MKI67: variants seen among roughly 807,000 people sequenced by gnomAD.
MKI67 encodes the protein marker of proliferation Ki-67.
In MKI67, 152 loss-of-function variants were observed where a neutral mutation model predicts 233.5. That is an observed-to-expected ratio of 0.65 (90% CI 0.57 to 0.74). The LOEUF is 0.74. MKI67 is among the 30% of genes least tolerant of loss of function. The pLI is 0.00. For missense variants in MKI67, 3,940 were observed against 3,885.2 expected, an observed-to-expected ratio of 1.01 and a Z score of -0.37; for synonymous variants, 1,465 against 1,418.5, an observed-to-expected ratio of 1.03 and a Z score of -0.74.
intron 11 of MKI67, 99 bp downstream of exon 11, chr10:128,111,546 C>T: frequency 1.5e-6 from 1 of 646,310 alleles, no homozygotes; most frequent in African/African-American, 1.9e-5. Context: ...ATTTTATAAT[C>T]TCTTTCACAG....
chr10:128,103,612 G>T lies in MKI67; in HGVS notation c.8228C>A (p.Thr2743Lys). ...ATCCGTGGTTTCCCCTGATGTTTGT[G>T]TGAACTTGACTGCTGAAGGCTCTTC... Reference protein sequence around the residue: ...VKEEPSAVKFTQTSGETTDAD... With the variant: ...VKEEPSAVKFKQTSGETTDAD... Residue 2743 changes from threonine (T) to lysine (K), a missense_variant, in exon 13 of 15, where the codon ACA (threonine) becomes AAA (lysine). Physicochemically the swap from Thr to Lys is moderately conservative, Grantham distance 78. Transcript: ENST00000368654. 6.2e-7 allele frequency: 1 copy of T among 1,614,192 alleles called. No individual in the cohort carries two copies. Among genetic ancestry groups the T allele is most frequent in the Middle Eastern group, 1.6e-4 (1 of 6,062 alleles).
intron 14 of MKI67, 42 bp downstream of exon 14, chr10:128,101,216 C>T (rs771080982): frequency 1.3e-6 from 2 of 1,576,068 alleles, no homozygotes; most frequent in Non-Finnish European, 1.7e-6. Flanking sequence ...TACATCAAAA[C>T]ATTCTGTGTC....
Position 128,113,519 on chromosome 10 carries a change from G to C in MKI67, c.1564C>G (p.Pro522Ala), listed in dbSNP as rs761464080. The change falls in exon 8 of 15, where the codon CCT becomes GCT. Residue 522 changes from proline to alanine, a missense_variant. By Grantham distance (27) the Pro-to-Ala change is conservative. Coordinates refer to ENST00000368654, the MANE Select transcript of MKI67 (RefSeq NM_002417.5). ...CCCCTTTTGAGAGGCGTATTAGGAG[G>C]CAAGTTTTCATCAAATAGTTCAGGT... Reference protein sequence around the residue: ...LRPELFDENLPPNTPLKRGEA... With the variant: ...LRPELFDENLAPNTPLKRGEA... 2 of 1,614,024 alleles carry C rather than the reference G, an allele frequency of 1.2e-6. No homozygotes were observed. The highest frequency in any genetic ancestry group is 1.3e-5 in the African/African-American group (1 of 74,906).
At chr10:128,117,146 C>G (rs1398962823) in intron 5 of MKI67, among the ~76,000 whole-genome samples, 1 of 152,260 alleles carries the variant, frequency 6.6e-6, no homozygotes, top group South Asian at 2.1e-4. Flanking sequence ...AGATATTTCC[C>G]AACATCCTAT....
intron 5 of MKI67, among the ~76,000 whole-genome samples, chr10:128,117,701 T>C (rs1285270901): frequency 6.6e-6 from 1 of 152,242 alleles, no homozygotes; most frequent in Non-Finnish European, 1.5e-5. Context: ...GGATGGTTTT[T>C]TATTTCCAAT....
At chr10:128,113,674 A>G in intron 7 of MKI67, 72 bp from the exon 8 acceptor site, 1 of 1,400,986 alleles carries the variant, frequency 7.1e-7, no homozygotes, top group Non-Finnish European at 1.0e-6. Flanking sequence ...ATTTCACGTT[A>G]GCATTAAAGA....
rs200987174 is a variant in MKI67 at position 128,110,489 on chromosome 10, A to G, written c.2305T>C (p.Leu769=). The G allele has an allele frequency of 1.3e-6, 2 of 1,575,362 alleles. No individual in the cohort carries two copies. The highest frequency in any genetic ancestry group is 1.7e-6 in the Non-Finnish European group (2 of 1,150,092). ...FKTPVKEQPQ[L]TSTCHIAISN... ...ATAGCGATGTGACATGTGCTTGTCAACTGCGGTTGCTCCTTCACTGGGGTC... is the reference window on the plus strand; with the variant it reads ...ATAGCGATGTGACATGTGCTTGTCAGCTGCGGTTGCTCCTTCACTGGGGTC... Residue 769 remains leucine, a synonymous_variant, in exon 12 of 15, where the codon TTG becomes CTG. Transcript: ENST00000368654.
Position 128,105,432 on chromosome 10 carries a change from G to A in MKI67, c.6408C>T (p.Ala2136=). ...GKRDIVEELS[A]LKQLTQTTHT... Reference sequence around the variant, plus strand: ...GTGTGGTCTGTGTGAGCTGCTTCAGGGCTGAGAGCTCTTCCACTATATCCC... The same window carrying A: ...GTGTGGTCTGTGTGAGCTGCTTCAGAGCTGAGAGCTCTTCCACTATATCCC... Residue 2136 remains alanine, a synonymous_variant, in exon 13 of 15, where the codon GCC becomes GCT. Coordinates refer to ENST00000368654, the MANE Select transcript of MKI67 (RefSeq NM_002417.5). 6.2e-7 allele frequency: 1 copy of A among 1,613,650 alleles called. No homozygotes were observed. The highest frequency in any genetic ancestry group is 1.1e-5 in the South Asian group (1 of 91,052).
rs779310721 is a variant in MKI67 at position 128,107,913 on chromosome 10, G to A, written c.3927C>T (p.Ile1309=). 6.2e-7 allele frequency: 1 copy of A among 1,612,044 alleles called. No individual in the cohort carries two copies. The highest frequency in any genetic ancestry group is 1.7e-5 in the Admixed American group (1 of 59,788). ...PKPSVGEEKD[I]IIFVGTPVQK... ...GCACTGGAGTTCCCACAAATATGAT[G>A]ATGTCTTTCTCTTCACCTACTGATG... The change falls in exon 13 of 15, where the codon ATC becomes ATT. Residue 1309 remains isoleucine (I), a synonymous_variant. Coordinates refer to ENST00000368654, the MANE Select transcript of MKI67 (RefSeq NM_002417.5).
intron 7 of MKI67, among the ~76,000 whole-genome samples, chr10:128,113,987 C>A (rs2136144059): frequency 6.6e-6 from 1 of 152,264 alleles, no homozygotes; most frequent in South Asian, 2.1e-4. Flanking sequence ...AATGCATGAG[C>A]TGTAAAAACT....
Position 128,116,016 on chromosome 10 carries a change from T to A in MKI67, c.401-9A>T. The A allele has an allele frequency of 6.4e-7, 1 of 1,555,606 alleles. No homozygotes were observed. On this transcript the variant is annotated splice_polypyrimidine_tract_variant and intron_variant, in intron 6 of 14. Transcript: ENST00000368654. Reference sequence around the variant, plus strand: ...ATCTTGAGCTTTCTCATCTTGGCAATGAATTATGAAATAAGAAACAGAAGT... The same window carrying A: ...ATCTTGAGCTTTCTCATCTTGGCAAAGAATTATGAAATAAGAAACAGAAGT...
rs1853037802 is a variant in MKI67, at chr10:128,125,587, G to A, written c.81C>T (p.Cys27=). The change falls in exon 2 of 15, where the codon TGC becomes TGT. Residue 27 remains cysteine, a synonymous_variant. Coordinates refer to ENST00000368654, the MANE Select transcript of MKI67 (RefSeq NM_002417.5). This position sits in a 1 kb window ranked among gnomAD's most constrained non-coding sequence, Gnocchi z 5.3. Reference sequence around the variant, plus strand: ...CCCGCGGGGCTCACCTTCCAAACAAGCAGGTGCTGAGGCTCAGGGGAAAGT... The same window carrying A: ...CCCGCGGGGCTCACCTTCCAAACAAACAGGTGCTGAGGCTCAGGGGAAAGT... ...GPHFPLSLST[C]LFGRGIECDI... 3 of 1,612,918 alleles carry A rather than the reference G, an allele frequency of 1.9e-6. No homozygotes were observed. Among genetic ancestry groups the A allele is most frequent in the Non-Finnish European group, 2.5e-6 (3 of 1,179,634 alleles).
At chr10:128,099,618 C>T (rs1852290161) in intron 14 of MKI67, among the ~76,000 whole-genome samples, 1 of 152,220 alleles carries the variant, frequency 6.6e-6, no homozygotes, top group Non-Finnish European at 1.5e-5. Context: ...TCTTTTGGGT[C>T]TCCTAAACCA....
Position 128,125,516 on chromosome 10 carries a change from G to A in MKI67, c.92+60C>T, listed in dbSNP as rs977056621. The A allele has an allele frequency of 7.3e-7, 1 of 1,377,762 alleles. No individual in the cohort carries two copies. The allele number at this position is 1,377,762 out of a possible 1,614,324, so 85.3% of individuals were successfully genotyped here. On this transcript the variant is annotated intron_variant, in intron 2 of 14. Coordinates refer to ENST00000368654, the MANE Select transcript of MKI67 (RefSeq NM_002417.5). The surrounding 1 kb of genome is among the most constrained non-coding windows in gnomAD (Gnocchi z 5.3). ...AGAGCGCGTTTCTGGACTTTATTCTGTGACTAAGGTATTTTCCTCTTTCTC... is the reference window on the plus strand; with the variant it reads ...AGAGCGCGTTTCTGGACTTTATTCTATGACTAAGGTATTTTCCTCTTTCTC...
chr10:128,106,021 C>A lies in MKI67; in HGVS notation c.5819G>T (p.Arg1940Leu). 4 of 1,614,014 alleles carry A rather than the reference C, an allele frequency of 2.5e-6. No homozygotes were observed. The highest frequency in any genetic ancestry group is 1.6e-4 in the Middle Eastern group (1 of 6,062). The change falls in exon 13 of 15, where the codon CGG becomes CTG. Residue 1940 changes from arginine (R) to leucine (L), a missense_variant. Physicochemically the swap from Arg to Leu is moderately radical, Grantham distance 102. Transcript: ENST00000368654. ...LLGNLPGSKR[R>L]PQTPKEKAKA... ...GGCCTTTTCTTTAGGAGTTTGTGGCCGTCTCTTGCTGCCAGGTAAATTTCC... is the reference window on the plus strand; with the variant it reads ...GGCCTTTTCTTTAGGAGTTTGTGGCAGTCTCTTGCTGCCAGGTAAATTTCC...
chr10:128,115,166 C>T lies in MKI67; in HGVS notation c.1242G>A (p.Lys414=), dbSNP rs889718923. ...KVEDAADSAT[K]PENLSSKTRG... The stretch of plus-strand genomic sequence containing the variant: ...TGGTTTTGGAAGAGAGATTTTCTGG[C>T]TTAGTGGCAGAGTCAGCTGCATCTT... The change falls in exon 7 of 15, where the codon AAG becomes AAA. Residue 414 remains lysine (K), a synonymous_variant. Transcript: ENST00000368654. 1 of 1,614,184 alleles carries T rather than the reference C, an allele frequency of 6.2e-7. No individual in the cohort carries two copies. Among genetic ancestry groups the T allele is most frequent in the Non-Finnish European group, 8.5e-7 (1 of 1,180,038 alleles).
At position 128,125,173 on chromosome 10, in the gene MKI67, G is replaced by C. The variant is rs1853028770; in HGVS notation, c.92+403C>G. ...TGTCCCATTTTCCTATTGCCACAAG[G>C]AGCCAAGAGACAAGTGTATGGCTTC... On this transcript the variant is annotated intron_variant, in intron 2 of 14. Coordinates refer to ENST00000368654, the MANE Select transcript of MKI67 (RefSeq NM_002417.5). The surrounding 1 kb of genome is among the most constrained non-coding windows in gnomAD (Gnocchi z 5.3). Among the ~76,000 whole-genome samples, 1 of 152,270 alleles carries C rather than the reference G, an allele frequency of 6.6e-6. No homozygotes were observed. Among genetic ancestry groups the C allele is most frequent in the South Asian group, 2.1e-4 (1 of 4,816 alleles).
intron 7 of MKI67, 151 bp from the exon 8 acceptor site, chr10:128,113,753 G>A (rs1852733148): frequency 1.4e-6 from 1 of 709,016 alleles, no homozygotes; most frequent in African/African-American, 1.8e-5. Flanking sequence ...TCCTGGTGAA[G>A]CTAAGCTACT....
At position 128,115,315 on chromosome 10, in the gene MKI67, C is replaced by T. The variant is rs763377712; in HGVS notation, c.1093G>A (p.Asp365Asn). 1 of 1,614,058 alleles carries T rather than the reference C, an allele frequency of 6.2e-7. No homozygotes were observed. Among genetic ancestry groups the T allele is most frequent in the Admixed American group, 1.7e-5 (1 of 60,000 alleles). Residue 365 changes from aspartate to asparagine, a missense_variant, in exon 7 of 15, where the codon GAC becomes AAC. Physicochemically the swap from Asp to Asn is conservative, Grantham distance 23. Coordinates refer to ENST00000368654, the MANE Select transcript of MKI67 (RefSeq NM_002417.5). ...TCTCTTCTACCAGTAGTATACAGGT[C>T]TTTGTTCTTATGTTTTTGTGGAGAA... ...QNSPQKHKNK[D>N]LYTTGRRESV...
Sources: gnomAD v4.1 joint callset for allele counts (sites outside exome capture counted in the v4.1 genomes callset) on GRCh38, gnomAD v4.1.1 for gene constraint, Gnocchi (gnomAD v3.1) non-coding constraint, MANE v1.5 for transcripts, NCBI Gene and HGNC (gene_info 2026-07-23, HGNC 2026-07-21) for gene names.